Variants in NTM observed in about 807,000 individuals in gnomAD.
NTM encodes IgLON family member 2.
A neutral mutation model predicts 42.1 loss-of-function variants in NTM; 13 were observed. The observed-to-expected ratio is 0.31, with a 90% CI of 0.20 to 0.49. NTM has a LOEUF of 0.49. NTM is among the 20% of genes least tolerant of loss of function. The pLI, the probability that NTM is intolerant of heterozygous loss-of-function variation, is 0.99. For missense variants in NTM, 373 were observed against 452.8 expected (o/e 0.82, Z 1.60); for synonymous variants, 187 against 179.2 (o/e 1.04, Z -0.35).
chr11:132,317,445 A>G (rs1200816153), intron 7 of NTM, among the ~76,000 whole-genome samples: 1 of 152,148 alleles, frequency 6.6e-6, no homozygotes, highest in Non-Finnish European at 1.5e-5. Flanking sequence ...CAGTCACGGC[A>G]TTCAATATGG....
At chr11:131,504,734 G>A (rs1212316294) in intron 1 of NTM, among the ~76,000 whole-genome samples, 1 of 152,044 alleles carries the variant, frequency 6.6e-6, no homozygotes, top group African/African-American at 2.4e-5. Flanking sequence ...TCTGTCAGCT[G>A]CCAGACTCCC....
intron 1 of NTM, among the ~76,000 whole-genome samples, chr11:131,773,169 T>A (rs577805443): frequency 7.9e-5 from 12 of 152,288 alleles, no homozygotes; most frequent in African/African-American, 2.9e-4. Flanking sequence ...GAGGACCTGG[T>A]CTCTGCTTCC....
intron 2 of NTM, among the ~76,000 whole-genome samples, chr11:132,055,245 A>G (rs1024638440): frequency 1.3e-5 from 2 of 152,156 alleles, no homozygotes; most frequent in Non-Finnish European, 2.9e-5. Flanking sequence ...AGCTGTTCCA[A>G]TTATGGTGCT....
At chr11:132,033,858 C>A (rs2076207754) in intron 2 of NTM, among the ~76,000 whole-genome samples, 1 of 152,136 alleles carries the variant, frequency 6.6e-6, no homozygotes, top group Non-Finnish European at 1.5e-5. Flanking sequence ...GAAAAAGAAT[C>A]TCATATTCTT....
At chr11:131,944,542 G>A (rs556657869) in intron 2 of NTM, among the ~76,000 whole-genome samples, 7 of 152,192 alleles carry the variant, frequency 4.6e-5, no homozygotes, top group African/African-American at 1.2e-4. Flanking sequence ...AATTCTGCCC[G>A]CCATTGATAT....
intron 1 of NTM, among the ~76,000 whole-genome samples, chr11:131,560,337 C>T (rs181852590): frequency 2.8e-4 from 43 of 152,278 alleles, no homozygotes; most frequent in Non-Finnish European, 5.1e-4. Flanking sequence ...TAGTCATAAA[C>T]GCAGTCAAAG....
At chr11:131,835,291 G>A (rs548315814) in intron 1 of NTM, among the ~76,000 whole-genome samples, 12 of 152,176 alleles carry the variant, frequency 7.9e-5, no homozygotes, top group African/African-American at 1.7e-4. Context: ...AAGTGCCATC[G>A]AGAATGTTGC....
At chr11:131,773,109 C>G (rs2086389179) in intron 1 of NTM, among the ~76,000 whole-genome samples, 1 of 152,178 alleles carries the variant, frequency 6.6e-6, no homozygotes, top group South Asian at 2.1e-4. Context: ...TCTCATAGTT[C>G]TGGAAGCTGG....
At chr11:131,772,049 TG>T (rs1490183401) in intron 1 of NTM, among the ~76,000 whole-genome samples, 2 of 152,216 alleles carry the variant, frequency 1.3e-5, no homozygotes, top group Non-Finnish European at 2.9e-5. Flanking sequence ...GCTTTTCTAC[TG>T]CCATTTAACT....
chr11:131,457,857 G>A (rs556028818), intron 1 of NTM, among the ~76,000 whole-genome samples: 2 of 152,028 alleles, frequency 1.3e-5, no homozygotes, highest in South Asian at 2.1e-4. Context: ...GGTGGCCCCC[G>A]AGAGCTCTCT....
intron 1 of NTM, among the ~76,000 whole-genome samples, chr11:131,835,272 A>G (rs1364031133): frequency 3.3e-5 from 5 of 152,170 alleles, no homozygotes; most frequent in African/African-American, 1.2e-4. Context: ...GGAGTCTATG[A>G]AAGTAAACAA....
chr11:131,807,764 T>G (rs1246716074), intron 1 of NTM, among the ~76,000 whole-genome samples: 1 of 152,202 alleles, frequency 6.6e-6, no homozygotes, highest in Admixed American at 6.5e-5. Context: ...TAAATATTTT[T>G]TATTGCTTGT....
chr11:131,388,037 A>G (rs1383091310), intron 1 of NTM, among the ~76,000 whole-genome samples: 1 of 152,202 alleles, frequency 6.6e-6, no homozygotes, highest in African/African-American at 2.4e-5. Context: ...TATTCATCCT[A>G]AAATTTGAGA....
At chr11:131,996,072 A>G (rs1481283113) in intron 2 of NTM, among the ~76,000 whole-genome samples, 5 of 152,204 alleles carry the variant, frequency 3.3e-5, no homozygotes, top group Admixed American at 2.6e-4. Flanking sequence ...TAAAAAATAC[A>G]TAAACATAAA....
intron 1 of NTM, among the ~76,000 whole-genome samples, chr11:131,585,312 C>A (rs1300278472): frequency 6.6e-6 from 1 of 152,230 alleles, no homozygotes; most frequent in East Asian, 1.9e-4. Flanking sequence ...GCCTTGGCAG[C>A]CTTCCTGCCA....
intron 1 of NTM, among the ~76,000 whole-genome samples, chr11:131,436,693 G>T (rs1303706553): frequency 5.9e-5 from 9 of 151,634 alleles, no homozygotes; most frequent in African/African-American, 1.7e-4. Context: ...TATTAGTCTT[G>T]CTAGCAGTCT....
At chr11:131,724,889 G>A (rs946082625) in intron 1 of NTM, among the ~76,000 whole-genome samples, 8 of 152,312 alleles carry the variant, frequency 5.3e-5, no homozygotes, top group African/African-American at 1.9e-4. Flanking sequence ...TTATGGCTGG[G>A]CAAGGAAAAG....
At chr11:131,479,799 C>A (rs971712305) in intron 1 of NTM, among the ~76,000 whole-genome samples, 3 of 152,162 alleles carry the variant, frequency 2.0e-5, no homozygotes, top group Non-Finnish European at 4.4e-5. Context: ...TGTGTGAGAA[C>A]GTCAGCACAG....
chr11:132,300,887 G>A (rs1191531699), intron 4 of NTM, among the ~76,000 whole-genome samples: 3 of 152,148 alleles, frequency 2.0e-5, no homozygotes, highest in Non-Finnish European at 4.4e-5. Flanking sequence ...CTGCCACTTG[G>A]AGTGGGGCTG....
Sources: gnomAD v4.1 joint callset for allele counts (sites outside exome capture counted in the v4.1 genomes callset) on GRCh38, gnomAD v4.1.1 for gene constraint, MANE v1.5 for transcripts, NCBI Gene and HGNC (gene_info 2026-07-23, HGNC 2026-07-21) for gene names.